Variants in INPP5D observed in about 807,000 individuals in gnomAD.
INPP5D encodes the protein phosphatidylinositol 3,4,5-trisphosphate 5-phosphatase 1.
INPP5D carries 33 observed loss-of-function variants against 122.9 expected under a neutral mutation model. That is an observed-to-expected ratio of 0.27 (90% confidence interval 0.20 to 0.36). The LOEUF (loss-of-function observed/expected upper bound fraction) is 0.36. Among genes scored for constraint, INPP5D ranks in the 10% least tolerant of loss-of-function variants. INPP5D has a pLI of 1.00. For synonymous variants in INPP5D, 584 were observed against 576.2 expected (o/e 1.01, Z -0.19); for missense variants, 1,053 against 1,412.7 (o/e 0.75, Z 4.08).
At chr2:233,096,347 T>C (rs1692139944) in intron 2 of INPP5D, among the ~76,000 whole-genome samples, 1 of 152,200 alleles carries the variant, frequency 6.6e-6, no homozygotes, top group African/African-American at 2.4e-5. Context: ...TTTGCATTTC[T>C]CTCATTAGAA....
intron 2 of INPP5D, among the ~76,000 whole-genome samples, chr2:233,103,263 T>C (rs1692369381): frequency 6.6e-6 from 1 of 152,106 alleles, no homozygotes; most frequent in Non-Finnish European, 1.5e-5. Flanking sequence ...CCCATATAGG[T>C]GGGTTGTCAA....
intron 2 of INPP5D, among the ~76,000 whole-genome samples, chr2:233,085,300 C>T (rs1296163976): frequency 6.6e-6 from 1 of 151,698 alleles, no homozygotes; most frequent in Non-Finnish European, 1.5e-5. Flanking sequence ...GTGGGAGGAT[C>T]GCTTGAACCT....
intron 22 of INPP5D, among the ~76,000 whole-genome samples, chr2:233,192,242 C>G (rs766779791): frequency 6.6e-6 from 1 of 152,222 alleles, no homozygotes; most frequent in Non-Finnish European, 1.5e-5. Context: ...GCAAAACACA[C>G]GCTTCATTTT....
At chr2:233,142,543 GGACACCCAAACCCCT>G (rs1693654764) in intron 6 of INPP5D, among the ~76,000 whole-genome samples, 1 of 152,106 alleles carries the variant, frequency 6.6e-6, no homozygotes, top group African/African-American at 2.4e-5. Flanking sequence ...GACAAGCTGG[GGACACCCAAACCCCT>G]GTGTGGTTAC....
intron 2 of INPP5D, among the ~76,000 whole-genome samples, chr2:233,095,784 T>C (rs571666767): frequency 2.0e-5 from 3 of 152,258 alleles, no homozygotes; most frequent in African/African-American, 7.2e-5. Context: ...AGGAAATACA[T>C]AGGAAATAGA....
rs188309338 is a variant in INPP5D, at chr2:233,127,156, G to A, written c.524+1237G>A. Among the ~76,000 whole-genome samples the A allele has an allele frequency of 6.9e-3, 1,057 of 152,308 alleles. 4 individuals are homozygous for A. Among genetic ancestry groups the A allele is most frequent in the Middle Eastern group, 0.014 (4 of 294 alleles). ...CTGCCTCAGTGGGACCAGCAGGGGCGTGAAGCCGAGCTTCCAGGCAGCTTT... is the reference window on the plus strand; with the variant it reads ...CTGCCTCAGTGGGACCAGCAGGGGCATGAAGCCGAGCTTCCAGGCAGCTTT... On this transcript the variant is annotated intron_variant, in intron 4 of 26. Transcript: ENST00000445964.
At chr2:233,204,820 G>A (rs929001689) in intron 26 of INPP5D, 103 bp downstream of exon 26, 146 of 1,387,660 alleles carry the variant, frequency 1.1e-4, no homozygotes, top group South Asian at 2.0e-4. Context: ...GTGTGTGCAC[G>A]CATGCATATG....
intron 26 of INPP5D, 99 bp downstream of exon 26, chr2:233,204,816 G>C: frequency 7.1e-7 from 1 of 1,406,566 alleles, no homozygotes; most frequent in Non-Finnish European, 9.3e-7. Context: ...ATGTGTGTGT[G>C]CACGCATGCA....
At chr2:233,132,297 C>T (rs566273821) in intron 5 of INPP5D, among the ~76,000 whole-genome samples, 3 of 152,376 alleles carry the variant, frequency 2.0e-5, no homozygotes, top group African/African-American at 7.2e-5. Flanking sequence ...AGGCTTCCCT[C>T]AGTCTTCCCC....
At chr2:233,175,344 T>A (rs539120506) in intron 17 of INPP5D, among the ~76,000 whole-genome samples, 1 of 152,226 alleles carries the variant, frequency 6.6e-6, no homozygotes, top group South Asian at 2.1e-4. Context: ...CAATGGAACT[T>A]TTATAAGCAA....
chr2:233,072,367 GA>G (rs1691404343), intron 1 of INPP5D, among the ~76,000 whole-genome samples: 1 of 152,080 alleles, frequency 6.6e-6, no homozygotes, highest in South Asian at 2.1e-4. Context: ...CATTTTGCAT[GA>G]TTACAATGAA....
At chr2:233,203,145 A>T (rs1165523349) in intron 25 of INPP5D, among the ~76,000 whole-genome samples, 1 of 152,128 alleles carries the variant, frequency 6.6e-6, no homozygotes, top group African/African-American at 2.4e-5. Flanking sequence ...TGGTAGATGG[A>T]GCCTCTTGAG....
chr2:233,072,624 T>G (rs952609105), intron 1 of INPP5D, among the ~76,000 whole-genome samples: 1 of 152,264 alleles, frequency 6.6e-6, no homozygotes, highest in Non-Finnish European at 1.5e-5. Flanking sequence ...CTTTAATATT[T>G]ACTTCAATTT....
chr2:233,114,071 A>G (rs568701304), intron 2 of INPP5D, among the ~76,000 whole-genome samples: 24 of 152,220 alleles, frequency 1.6e-4, no homozygotes, highest in African/African-American at 3.9e-4. Context: ...CAACACGCCC[A>G]GCTAATTTTT....
chr2:233,079,614 A>G (rs1202350996), intron 2 of INPP5D, among the ~76,000 whole-genome samples: 2 of 152,146 alleles, frequency 1.3e-5, no homozygotes, highest in Non-Finnish European at 2.9e-5. Flanking sequence ...GTTGCATGCC[A>G]CAGGCTATTT....
chr2:233,207,318 A>C lies in INPP5D; in HGVS notation c.*610A>C, dbSNP rs2106333178. 1 of 152,894 alleles carries C rather than the reference A, an allele frequency of 6.5e-6. No homozygotes were observed. Among genetic ancestry groups the C allele is most frequent in the Non-Finnish European group, 1.5e-5 (1 of 68,060 alleles). 9.5% of individuals were successfully genotyped at this position (152,894 alleles called of 1,614,324 possible). ...CTGGGTAGCTTGTTTAGGGTACAAGAAGCCTGTTCTGTCCAGCTTCAGTGA... is the reference window on the plus strand; with the variant it reads ...CTGGGTAGCTTGTTTAGGGTACAAGCAGCCTGTTCTGTCCAGCTTCAGTGA... On this transcript the variant is annotated 3_prime_UTR_variant, in exon 27 of 27. Coordinates refer to ENST00000445964, the MANE Select transcript of INPP5D (RefSeq NM_001017915.3). The surrounding 1 kb of genome is among the most constrained non-coding windows in gnomAD (Gnocchi z 4.6).
chr2:233,178,898 T>C (rs1040644388), intron 18 of INPP5D, among the ~76,000 whole-genome samples: 1 of 152,154 alleles, frequency 6.6e-6, no homozygotes, highest in South Asian at 2.1e-4. Context: ...CTGGCCACCT[T>C]TGTGGCTCCC....
In INPP5D at chr2:233,170,150, G is replaced by C. The variant is rs538582824; in HGVS notation, c.1777G>C (p.Asp593His). 2.4e-5 allele frequency: 39 copies of C among 1,614,000 alleles called. No homozygotes were observed. Among genetic ancestry groups the C allele is most frequent in the Non-Finnish European group, 3.1e-5 (37 of 1,179,880 alleles). ...FWFGDLNYRVDLPTWEAETII... is the reference protein window; with the variant it reads ...FWFGDLNYRVHLPTWEAETII... ...GTTTGGGGATCTTAACTACCGTGTG[G>C]ATCTGCCTACCTGGGTAAGGGCTGC... The change falls in exon 15 of 27, where the codon GAT (aspartate) becomes CAT (histidine). Residue 593 changes from aspartate (D) to histidine (H), a missense_variant. Physicochemically the swap from Asp to His is moderately conservative, Grantham distance 81. Around this residue, in one of 6 missense-constraint regions of INPP5D, gnomAD observed 258 missense variants for 439.1 expected, o/e 0.59. Transcript: ENST00000445964. The surrounding 1 kb of genome is among the most constrained non-coding windows in gnomAD (Gnocchi z 4.5).
At chr2:233,148,970 T>C (rs192467503) in intron 9 of INPP5D, among the ~76,000 whole-genome samples, 1 of 152,224 alleles carries the variant, frequency 6.6e-6, no homozygotes, top group Admixed American at 6.5e-5. Flanking sequence ...AAACAACCGA[T>C]ATACTATATG....
Sources: gnomAD v4.1 joint callset for allele counts (sites outside exome capture counted in the v4.1 genomes callset) on GRCh38, gnomAD v4.1.1 for gene constraint, gnomAD v4.1.1 regional missense constraint, Gnocchi (gnomAD v3.1) non-coding constraint, MANE v1.5 for transcripts, NCBI Gene and HGNC (gene_info 2026-07-23, HGNC 2026-07-21) for gene names.